The following LPCAT1 variants were observed in gnomAD, a reference collection of about 807,000 sequenced individuals.
LPCAT1 encodes the protein 1-acylglycerol-3-phosphate O-acyltransferase.
In LPCAT1, 23 loss-of-function variants were observed where a neutral mutation model predicts 60.9. The ratio of observed to expected loss-of-function variants is 0.38; its 90% CI spans 0.27 to 0.53. LPCAT1 has a LOEUF of 0.53. Among genes scored for constraint, LPCAT1 ranks in the 20% least tolerant of loss-of-function variants. LPCAT1 has a pLI of 0.82. For synonymous variants in LPCAT1, 340 were observed against 301.1 expected (o/e 1.13, Z -1.34); for missense variants, 622 against 723.6 (o/e 0.86, Z 1.61).
chr5:1,481,094 G>C lies in LPCAT1; in HGVS notation c.727-118C>G. The stretch of plus-strand genomic sequence containing the variant: ...CACCCCACAGAGGCGCTGCAGCCAG[G>C]GGGAAGGGAGGAGGGTGCTAGAGCT... On this transcript the variant is annotated intron_variant, in intron 6 of 13. Coordinates refer to ENST00000283415, the MANE Select transcript of LPCAT1 (RefSeq NM_024830.5). This position sits in a 1 kb window ranked among gnomAD's most constrained non-coding sequence, Gnocchi z 7.8. 2.4e-6 allele frequency: 3 copies of C among 1,237,892 alleles called. No individual in the cohort carries two copies. Among genetic ancestry groups the C allele is most frequent in the Non-Finnish European group, 3.5e-6 (3 of 852,092 alleles). 76.7% of individuals were successfully genotyped at this position (1,237,892 alleles called of 1,614,324 possible).
rs553924606 is a variant in LPCAT1 at position 1,504,669 on chromosome 5, G to A, written c.136-3066C>T. Among the ~76,000 whole-genome samples the A allele has an allele frequency of 1.4e-4, 21 of 148,722 alleles. No individual in the cohort carries two copies. The South Asian group carries it at 3.6e-3, about 25-fold the overall frequency. ...TCAGAGGTTGTGGGGAGCTGAGATCGCGCCATTGCGCTCTAGCCTGGGCAA... is the reference window on the plus strand; with the variant it reads ...TCAGAGGTTGTGGGGAGCTGAGATCACGCCATTGCGCTCTAGCCTGGGCAA... On this transcript the variant is annotated intron_variant, in intron 1 of 13. Coordinates refer to ENST00000283415, the MANE Select transcript of LPCAT1 (RefSeq NM_024830.5).
chr5:1,501,376 C>T (rs1735996920), intron 2 of LPCAT1, 85 bp downstream of exon 2: 10 of 1,498,320 alleles, frequency 6.7e-6, no homozygotes, highest in South Asian at 1.3e-5. Context: ...GGTGGAGACA[C>T]ACAACCCCAC....
intron 8 of LPCAT1, 172 bp downstream of exon 8, chr5:1,479,449 T>C (rs746772842): frequency 8.8e-5 from 54 of 616,814 alleles, no homozygotes; most frequent in Non-Finnish European, 1.4e-4. Flanking sequence ...CATAAAGTCA[T>C]TGAGGTAAAG....
intron 3 of LPCAT1, among the ~76,000 whole-genome samples, chr5:1,494,368 G>A (rs1423360112): frequency 6.6e-5 from 10 of 152,220 alleles, no homozygotes; most frequent in Non-Finnish European, 1.2e-4. Flanking sequence ...GGGGCACAAG[G>A]CCAATGTGCC....
chr5:1,501,424 C>A (rs770054382), intron 2 of LPCAT1, 37 bp downstream of exon 2: 3 of 1,578,086 alleles, frequency 1.9e-6, no homozygotes, highest in Non-Finnish European at 2.6e-6. Flanking sequence ...CGCGTGACCC[C>A]CCCCCAGGAG....
chr5:1,496,533 G>A lies in LPCAT1; in HGVS notation c.279-1619C>T, dbSNP rs374650323. 6.6e-6 allele frequency among the ~76,000 whole-genome samples: 1 copy of A among 152,066 alleles called. No homozygotes were observed. Among genetic ancestry groups the A allele is most frequent in the African/African-American group, 2.4e-5 (1 of 41,398 alleles). On this transcript the variant is annotated intron_variant, in intron 2 of 13. Transcript: ENST00000283415. This position sits in a 1 kb window ranked among gnomAD's most constrained non-coding sequence, Gnocchi z 4.7. ...GAGGCTGCAGAGGAGGCTGCGGCGG[G>A]CACAGGAGCCAGTCTCGGGCAGGTT...
At chr5:1,497,377 C>T (rs1237323072) in intron 2 of LPCAT1, among the ~76,000 whole-genome samples, 2 of 152,150 alleles carry the variant, frequency 1.3e-5, no homozygotes, top group Admixed American at 6.5e-5. Context: ...GAGGGGCAGG[C>T]GCAGGCCCCG....
intron 3 of LPCAT1, 80 bp downstream of exon 3, chr5:1,494,620 C>A (rs1317026573): frequency 3.0e-6 from 4 of 1,336,554 alleles, no homozygotes; most frequent in Non-Finnish European, 3.2e-6. Flanking sequence ...GGAGGGGAAT[C>A]TCTTATTCTC....
Position 1,477,761 on chromosome 5 carries a change from AC to A in LPCAT1, c.817-276del, listed in dbSNP as rs1387475049. ...ACATCTGGCTCTCTGATCTACACTC[AC>A]CCCCGTCAGTGCTCCTGGGAGCGCC... On this transcript the variant is annotated intron_variant, in intron 8 of 13. Transcript: ENST00000283415. This position sits in a 1 kb window ranked among gnomAD's most constrained non-coding sequence, Gnocchi z 6.0. 6.9e-6 allele frequency among the ~76,000 whole-genome samples: 1 copy of A among 144,968 alleles called. No homozygotes were observed. The highest frequency in any genetic ancestry group is 2.2e-4 in the South Asian group (1 of 4,454).
At chr5:1,498,641 T>C (rs948908509) in intron 2 of LPCAT1, among the ~76,000 whole-genome samples, 4 of 148,036 alleles carry the variant, frequency 2.7e-5, no homozygotes, top group Admixed American at 1.3e-4. Flanking sequence ...TATACACACA[T>C]ACATGTACAC....
In LPCAT1 at chr5:1,523,222, C is replaced by G. The variant is rs985378949; in HGVS notation, c.135+488G>C. On this transcript the variant is annotated intron_variant, in intron 1 of 13. Coordinates refer to ENST00000283415, the MANE Select transcript of LPCAT1 (RefSeq NM_024830.5). The surrounding 1 kb of genome is among the most constrained non-coding windows in gnomAD (Gnocchi z 7.1). ...CTCACCCAGAGCCGCGGTGCCCTCC[C>G]GCCCGCGGGCCGCGTCCAGGCAAAG... 1.1e-4 allele frequency among the ~76,000 whole-genome samples: 16 copies of G among 152,006 alleles called. No homozygotes were observed. Among genetic ancestry groups the G allele is most frequent in the Non-Finnish European group, 1.8e-4 (12 of 67,974 alleles).
rs1346911774 is a variant in LPCAT1 at position 1,522,071 on chromosome 5, G to A, written c.135+1639C>T. Among the ~76,000 whole-genome samples the A allele has an allele frequency of 6.6e-6, 1 of 152,200 alleles. No homozygotes were observed. The highest frequency in any genetic ancestry group is 1.5e-5 in the Non-Finnish European group (1 of 68,036). ...AGCCAGGAGGGAGTAGGAAAGGCAG[G>A]AAGAGAGAGCATGCCTGAGGCAGCC... On this transcript the variant is annotated intron_variant, in intron 1 of 13. Coordinates refer to ENST00000283415, the MANE Select transcript of LPCAT1 (RefSeq NM_024830.5). The surrounding 1 kb of genome is among the most constrained non-coding windows in gnomAD (Gnocchi z 6.8).
chr5:1,495,756 G>A lies in LPCAT1; in HGVS notation c.279-842C>T, dbSNP rs1360669232. 2.0e-5 allele frequency among the ~76,000 whole-genome samples: 3 copies of A among 152,132 alleles called. No homozygotes were observed. Among genetic ancestry groups the A allele is most frequent in the African/African-American group, 7.2e-5 (3 of 41,438 alleles). On this transcript the variant is annotated intron_variant, in intron 2 of 13. Transcript: ENST00000283415. This position sits in a 1 kb window ranked among gnomAD's most constrained non-coding sequence, Gnocchi z 4.7. Reference sequence around the variant, plus strand: ...TGGGTTAAGTGGGCGCATCACACTGGGTAAAACTACTGCACAGAGAAACAA... The same window carrying A: ...TGGGTTAAGTGGGCGCATCACACTGAGTAAAACTACTGCACAGAGAAACAA...
chr5:1,494,579 C>T, intron 3 of LPCAT1, 121 bp downstream of exon 3: 1 of 933,034 alleles, frequency 1.1e-6, no homozygotes, highest in Non-Finnish European at 1.6e-6. Flanking sequence ...CTCACTCATT[C>T]CCAACAGAGG....
intron 11 of LPCAT1, among the ~76,000 whole-genome samples, chr5:1,473,516 C>G (rs552493318): frequency 1.3e-5 from 2 of 152,356 alleles, no homozygotes; most frequent in Non-Finnish European, 2.9e-5. Context: ...GGGGAGTGGG[C>G]GGCTGCACCA....
intron 5 of LPCAT1, among the ~76,000 whole-genome samples, chr5:1,485,297 G>A (rs1735328845): frequency 6.6e-6 from 1 of 152,058 alleles, no homozygotes; most frequent in Non-Finnish European, 1.5e-5. Flanking sequence ...AAGTCTGCAG[G>A]GGTCTCTGGC....
rs370300804 is a variant in LPCAT1 at position 1,467,867 on chromosome 5, C to G, written c.1279-977G>C. 7.2e-5 allele frequency among the ~76,000 whole-genome samples: 11 copies of G among 152,240 alleles called. No individual in the cohort carries two copies. In the East Asian group the frequency reaches 2.1e-3, roughly 29 times the overall value. On this transcript the variant is annotated intron_variant, in intron 12 of 13. Coordinates refer to ENST00000283415, the MANE Select transcript of LPCAT1 (RefSeq NM_024830.5). The stretch of plus-strand genomic sequence containing the variant: ...TCCTCTGCCTGGGGCTGCACCATCC[C>G]CCGCCGCCCTCTCTCTGCCTGGGGT...
In LPCAT1 at chr5:1,474,573, C is replaced by A. The variant is rs201807269; in HGVS notation, c.1012G>T (p.Val338Leu). ...CCAGGTACTCACCCGAGGCCCCGCA[C>A]GAGCCTGGCAAATTCTAAAAGGCAA... Reference protein sequence around the residue: ...DTCLLEFARLVRGLGLKPEKL... With the variant: ...DTCLLEFARLLRGLGLKPEKL... The change falls in exon 10 of 14, where the codon GTG (valine) becomes TTG (leucine). Residue 338 changes from valine to leucine, a missense_variant. Physicochemically the swap from Val to Leu is conservative, Grantham distance 32 (BLOSUM62 1). Around this residue, in one of 3 missense-constraint regions of LPCAT1, gnomAD observed 288 missense variants for 283.6 expected, o/e 1.02. Transcript: ENST00000283415. 3 of 1,613,824 alleles carry A rather than the reference C, an allele frequency of 1.9e-6. No individual in the cohort carries two copies. Among genetic ancestry groups the A allele is most frequent in the African/African-American group, 2.7e-5 (2 of 74,938 alleles).
chr5:1,485,051 C>T (rs1376217764), intron 5 of LPCAT1, among the ~76,000 whole-genome samples: 2 of 152,204 alleles, frequency 1.3e-5, no homozygotes, highest in Non-Finnish European at 2.9e-5. Flanking sequence ...GTCCTCATTG[C>T]CTGGGACCGA....
Sources: allele counts gnomAD v4.1 joint callset (sites outside exome capture counted in the v4.1 genomes callset), GRCh38; gene constraint gnomAD v4.1.1; regional missense constraint gnomAD v4.1.1; non-coding constraint Gnocchi (gnomAD v3.1); transcripts MANE v1.5; gene names NCBI Gene and HGNC (gene_info 2026-07-23, HGNC 2026-07-21).